Variants in ZNF468 observed in about 807,000 individuals in gnomAD.
The protein encoded by ZNF468 is zinc finger protein 468, also known as zinc finger protein ZNF468.
A neutral mutation model predicts 7.2 loss-of-function variants in ZNF468; 8 were observed. The observed-to-expected ratio is 1.11, with a 90% CI of 0.65 to 2.01. ZNF468 has a LOEUF of 2.01. Ranked by LOEUF, ZNF468 falls within the 30% of genes most tolerant of loss-of-function variation. The pLI is 0.00. For missense variants in ZNF468, 608 were observed against 626.5 expected, an observed-to-expected ratio of 0.97 and a Z score of 0.31; for synonymous variants, 218 against 214.4, an observed-to-expected ratio of 1.02 and a Z score of -0.15.
intron 3 of ZNF468, among the ~76,000 whole-genome samples, chr19:52,845,955 A>G (rs1445860914): frequency 2.8e-5 from 4 of 145,428 alleles, no homozygotes; most frequent in African/African-American, 7.7e-5. Flanking sequence ...GTGAGCTGAG[A>G]TCGCAGCATT....
intron 1 of ZNF468, among the ~76,000 whole-genome samples, 151 bp from the exon 2 acceptor site, chr19:52,854,496 C>G (rs2063419267): frequency 6.6e-6 from 1 of 152,118 alleles, no homozygotes; most frequent in African/African-American, 2.4e-5. Flanking sequence ...CAGGAAAACT[C>G]CCACTCTCCT....
rs2063286445 is a variant in ZNF468 at position 52,840,587 on chromosome 19, G to A, written c.*138C>T. The A allele has an allele frequency of 7.0e-7, 1 of 1,424,822 alleles. No homozygotes were observed. The highest frequency in any genetic ancestry group is 1.4e-5 in the African/African-American group (1 of 70,930). The allele number at this position is 1,424,822 out of a possible 1,614,324, so 88.3% of individuals were successfully genotyped here. Reference sequence around the variant, plus strand: ...GGTTTCTCTCCAGTATGAAGTCTATGGTGATGTGCAAAGGTTGCTTTTTGA... The same window carrying A: ...GGTTTCTCTCCAGTATGAAGTCTATAGTGATGTGCAAAGGTTGCTTTTTGA... On this transcript the variant is annotated 3_prime_UTR_variant, in exon 4 of 4. Coordinates refer to ENST00000595646, the MANE Select transcript of ZNF468 (RefSeq NM_001008801.2).
chr19:52,839,041 A>C lies in ZNF468; in HGVS notation c.*1684T>G, dbSNP rs1050807456. ...GTGGAGTCGGGTGGATCATAAAGTC[A>C]GAAGATAGAGACCATTCTGGCTAAC... is the stretch of plus-strand genomic sequence containing the variant. On this transcript the variant is annotated 3_prime_UTR_variant, in exon 4 of 4. Transcript: ENST00000595646. 1 of 152,242 alleles carries C rather than the reference A, an allele frequency of 6.6e-6. No homozygotes were observed. Among genetic ancestry groups the C allele is most frequent in the Admixed American group, 6.5e-5 (1 of 15,268 alleles). The allele number at this position is 152,242 out of a possible 1,614,324, so 9.4% of individuals were successfully genotyped here.
At chr19:52,853,924 C>T (rs1474716435) in intron 2 of ZNF468, 12 of 1,364,788 alleles carry the variant, frequency 8.8e-6, no homozygotes, top group East Asian at 2.6e-5. Flanking sequence ...TGCTCCAATC[C>T]TGGTCCACAG....
chr19:52,841,227 G>T lies in ZNF468; in HGVS notation c.1067C>A (p.Thr356Lys), dbSNP rs1303251642. 6.2e-7 allele frequency: 1 copy of T among 1,612,342 alleles called. No homozygotes were observed. Among genetic ancestry groups the T allele is most frequent in the African/African-American group, 1.3e-5 (1 of 74,300 alleles). ...TILHTGEKPYTCNECGKVFNR... is the reference protein window; with the variant it reads ...TILHTGEKPYKCNECGKVFNR... ...AAAAACTTTGCCACATTCATTACAT[G>T]TGTAAGGTTTCTCTCCAGTGTGAAG... The change falls in exon 4 of 4, where the codon ACA becomes AAA. Residue 356 changes from threonine to lysine, a missense_variant. Transcript: ENST00000595646.
chr19:52,840,093 G>T lies in ZNF468; in HGVS notation c.*632C>A. 2 of 804,636 alleles carry T rather than the reference G, an allele frequency of 2.5e-6. No homozygotes were observed. The highest frequency in any genetic ancestry group is 1.8e-6 in the Non-Finnish European group (1 of 549,666). 49.8% of individuals were successfully genotyped at this position (804,636 alleles called of 1,614,324 possible). On this transcript the variant is annotated 3_prime_UTR_variant, in exon 4 of 4. Coordinates refer to ENST00000595646, the MANE Select transcript of ZNF468 (RefSeq NM_001008801.2). ...GGGGTGCCACGTGTGAATCATTCCCGAAAGCCTTGTCACAAACCTTACATT... is the reference window on the plus strand; with the variant it reads ...GGGGTGCCACGTGTGAATCATTCCCTAAAGCCTTGTCACAAACCTTACATT...
At chr19:52,844,277 A>C (rs1938265574) in intron 3 of ZNF468, among the ~76,000 whole-genome samples, 1 of 151,830 alleles carries the variant, frequency 6.6e-6, no homozygotes, top group African/African-American at 2.4e-5. Context: ...AAGGGACATT[A>C]AAGAGGTCCT....
intron 2 of ZNF468, 22 bp from the exon 3 acceptor site, chr19:52,849,235 A>G: frequency 6.2e-7 from 1 of 1,613,350 alleles, no homozygotes; most frequent in East Asian, 2.2e-5. Context: ...ACACATTTTA[A>G]CCAAATGGTT....
rs2063287314 is a variant in ZNF468 at position 52,840,692 on chromosome 19, G to A, written c.*33C>T. On this transcript the variant is annotated 3_prime_UTR_variant, in exon 4 of 4. Coordinates refer to ENST00000595646, the MANE Select transcript of ZNF468 (RefSeq NM_001008801.2). ...GCCTTATGACTTACAGGGTTGAATT[G>A]TGATGGAAGGTCTTGCCACACTCAT... The A allele has an allele frequency of 6.2e-7, 1 of 1,610,868 alleles. No homozygotes were observed. Among genetic ancestry groups the A allele is most frequent in the East Asian group, 2.2e-5 (1 of 44,614 alleles).
intron 3 of ZNF468, among the ~76,000 whole-genome samples, chr19:52,848,268 G>A (rs1250397637): frequency 6.6e-6 from 1 of 152,040 alleles, no homozygotes; most frequent in Non-Finnish European, 1.5e-5. Flanking sequence ...GCTCCAATAT[G>A]GAGATAACAG....
In ZNF468 at chr19:52,838,405, G is replaced by A. The variant is rs1396495124; in HGVS notation, c.*2320C>T. On this transcript the variant is annotated 3_prime_UTR_variant, in exon 4 of 4. Coordinates refer to ENST00000595646, the MANE Select transcript of ZNF468 (RefSeq NM_001008801.2). ...GACCACAGCAGAAATAACCAATCAGGGAAAACGGAATGCTTTTCCTGTAGG... is the reference window on the plus strand; with the variant it reads ...GACCACAGCAGAAATAACCAATCAGAGAAAACGGAATGCTTTTCCTGTAGG... The A allele has an allele frequency of 1.3e-5, 2 of 152,104 alleles. No homozygotes were observed. The highest frequency in any genetic ancestry group is 3.9e-4 in the East Asian group (2 of 5,192). The allele number at this position is 152,104 out of a possible 1,614,324, so 9.4% of individuals were successfully genotyped here.
chr19:52,857,598 C>G lies in ZNF468; in HGVS notation c.-100G>C. 6.6e-6 allele frequency: 1 copy of G among 152,624 alleles called. No homozygotes were observed. The allele number at this position is 152,624 out of a possible 1,614,324, so 9.5% of individuals were successfully genotyped here. ...GCCCGCCGCGGCGTGACCGTCATTCCACGGGATCCACTTCCTGGTCTGCGC... is the reference window on the plus strand; with the variant it reads ...GCCCGCCGCGGCGTGACCGTCATTCGACGGGATCCACTTCCTGGTCTGCGC... On this transcript the variant is annotated 5_prime_UTR_variant, in exon 1 of 4. Coordinates refer to ENST00000595646, the MANE Select transcript of ZNF468 (RefSeq NM_001008801.2).
rs1188886873 is a variant in ZNF468 at position 52,854,167 on chromosome 19, C to G, written c.15+91G>C. ...AGTGAGGGTGAGCAAACATGTCAGG[C>G]AGGTCATTCAGACCCAGACATTCCC... On this transcript the variant is annotated intron_variant, in intron 2 of 3. Coordinates refer to ENST00000595646, the MANE Select transcript of ZNF468 (RefSeq NM_001008801.2). 2.5e-6 allele frequency: 4 copies of G among 1,606,484 alleles called. No homozygotes were observed. The East Asian group carries it at 6.7e-5, about 27-fold the overall frequency.
chr19:52,850,035 T>C lies in ZNF468; in HGVS notation c.16-822A>G, dbSNP rs555045595. 2.0e-5 allele frequency among the ~76,000 whole-genome samples: 3 copies of C among 152,284 alleles called. No homozygotes were observed. The East Asian group carries it at 5.8e-4, about 29-fold the overall frequency. ...GATGTGAATACAAAGGGTTGTCATT[T>C]GTCCCAGATTTTCAAAATACAAAAG... is the stretch of plus-strand genomic sequence containing the variant. On this transcript the variant is annotated intron_variant, in intron 2 of 3. Transcript: ENST00000595646.
chr19:52,854,017 G>C lies in ZNF468; in HGVS notation c.15+241C>G, dbSNP rs768462398. ...TGACACCACAGGACCCTCACCCCGTGTCCATCCATGTCGGGGTGTGAGCCC... is the reference window on the plus strand; with the variant it reads ...TGACACCACAGGACCCTCACCCCGTCTCCATCCATGTCGGGGTGTGAGCCC... On this transcript the variant is annotated intron_variant, in intron 2 of 3. Coordinates refer to ENST00000595646, the MANE Select transcript of ZNF468 (RefSeq NM_001008801.2). 678 of 1,489,926 alleles carry C rather than the reference G, an allele frequency of 4.6e-4. 8 individuals are homozygous for C. Among genetic ancestry groups the C allele is most frequent in the African/African-American group, 2.8e-4 (20 of 71,664 alleles). 92.3% of individuals were successfully genotyped at this position (1,489,926 alleles called of 1,614,324 possible).
In ZNF468 at chr19:52,841,492, C is replaced by G; in HGVS notation, c.802G>C (p.Glu268Gln). 1 of 1,614,144 alleles carries G rather than the reference C, an allele frequency of 6.2e-7. No individual in the cohort carries two copies. Among genetic ancestry groups the G allele is most frequent in the Non-Finnish European group, 8.5e-7 (1 of 1,180,026 alleles). Residue 268 changes from glutamate to glutamine, a missense_variant, in exon 4 of 4, where the codon GAG becomes CAG. Transcript: ENST00000595646. ...LACHRRCHTG[E>Q]KPYKCNECGK... ...CACTCATTACACTTGTAAGGTTTCT[C>G]ACCAGTGTGACATCTACGATGGCAG... is the stretch of plus-strand genomic sequence containing the variant.
At chr19:52,855,194 G>A (rs76556178) in intron 1 of ZNF468, among the ~76,000 whole-genome samples, 23 of 139,200 alleles carry the variant, frequency 1.7e-4, no homozygotes, top group South Asian at 2.3e-4. Context: ...AAAAAAAAAA[G>A]TGCATTTCTG....
At chr19:52,846,109 G>A (rs2063340307) in intron 3 of ZNF468, among the ~76,000 whole-genome samples, 1 of 151,974 alleles carries the variant, frequency 6.6e-6, no homozygotes, top group South Asian at 2.1e-4. Context: ...GAAATAAAAG[G>A]CATGAAAAAC....
chr19:52,847,745 C>T (rs569635989), intron 3 of ZNF468, among the ~76,000 whole-genome samples: 13 of 150,636 alleles, frequency 8.6e-5, no homozygotes, highest in South Asian at 2.1e-4. Flanking sequence ...AGACACAGTA[C>T]CTTTCCTTGA....
Sources: allele counts gnomAD v4.1 joint callset (sites outside exome capture counted in the v4.1 genomes callset), GRCh38; gene constraint gnomAD v4.1.1; transcripts MANE v1.5; gene names NCBI Gene and HGNC (gene_info 2026-07-23, HGNC 2026-07-21).